Variants in MDGA2 observed in about 807,000 individuals in gnomAD.
MDGA2 encodes MAM domain-containing glycosylphosphatidylinositol anchor protein 2.
A neutral mutation model predicts 117.8 loss-of-function variants in MDGA2; 40 were observed. The ratio of observed to expected loss-of-function variants is 0.34; its 90% CI spans 0.26 to 0.44. The LOEUF is 0.44. Among genes scored for constraint, MDGA2 ranks in the 20% least tolerant of loss-of-function variants. The pLI is 1.00. For missense variants in MDGA2, 1,123 were observed against 1,250.6 expected (o/e 0.90, Z 1.54); for synonymous variants, 452 against 439.0 (o/e 1.03, Z -0.37).
intron 4 of MDGA2, among the ~76,000 whole-genome samples, chr14:47,139,807 TATATATACACAC>T (rs1306577169): frequency 7.0e-6 from 1 of 142,990 alleles, no homozygotes; most frequent in African/African-American, 2.6e-5. Flanking sequence ...TATATATGTA[TATATATACACAC>T]ATATATATAC....
At chr14:47,055,845 C>T (rs1161401402) in intron 7 of MDGA2, among the ~76,000 whole-genome samples, 1 of 152,066 alleles carries the variant, frequency 6.6e-6, no homozygotes, top group African/African-American at 2.4e-5. Context: ...ACCATATGGC[C>T]TGAAAAGCTG....
chr14:47,054,430 T>TCATTTA (rs1350317803), intron 7 of MDGA2, among the ~76,000 whole-genome samples: 2 of 151,226 alleles, frequency 1.3e-5, no homozygotes, highest in Non-Finnish European at 2.9e-5. Context: ...CATTAACTCA[T>TCATTTA]CATTTAGCAT....
chr14:47,036,104 C>A (rs1888838602), intron 7 of MDGA2, among the ~76,000 whole-genome samples: 1 of 151,484 alleles, frequency 6.6e-6, no homozygotes, highest in Non-Finnish European at 1.5e-5. Flanking sequence ...CCCGTCTCTA[C>A]TAAAAATACA....
chr14:47,160,022 T>C (rs920160882), intron 3 of MDGA2, among the ~76,000 whole-genome samples: 3 of 152,158 alleles, frequency 2.0e-5, no homozygotes, highest in Non-Finnish European at 4.4e-5. Context: ...CTTTACTCCA[T>C]CCAGAACCGA....
At chr14:47,153,705 G>GAAAAAAAAAAAAAAAAAAAA (rs1450677286) in intron 3 of MDGA2, among the ~76,000 whole-genome samples, 1 of 116,298 alleles carries the variant, frequency 8.6e-6, no homozygotes, top group Admixed American at 8.8e-5. Context: ...GAAAAGAAAA[G>GAAAAAAAAAAAAAAAAAAAA]AAATAAAAAA....
At chr14:46,846,673 T>C (rs1044724328) in intron 15 of MDGA2, among the ~76,000 whole-genome samples, 2 of 152,114 alleles carry the variant, frequency 1.3e-5, no homozygotes, top group African/African-American at 4.8e-5. Context: ...AACAGGACTC[T>C]TTTAGAATTT....
chr14:47,001,435 C>G (rs1887526169), intron 8 of MDGA2, among the ~76,000 whole-genome samples: 1 of 151,754 alleles, frequency 6.6e-6, no homozygotes, highest in African/African-American at 2.4e-5. Flanking sequence ...CCAAAACAAC[C>G]AAGAAGATAA....
intron 11 of MDGA2, among the ~76,000 whole-genome samples, chr14:46,881,362 A>G (rs1882452245): frequency 6.6e-6 from 1 of 152,146 alleles, no homozygotes; most frequent in Admixed American, 6.6e-5. Context: ...TGGAGAAAGG[A>G]GAGATAAATG....
At chr14:46,966,016 C>G (rs1886016717) in intron 8 of MDGA2, among the ~76,000 whole-genome samples, 2 of 151,748 alleles carry the variant, frequency 1.3e-5, no homozygotes. Context: ...AGTTTTTTCA[C>G]TTATACTAAG....
intron 1 of MDGA2, among the ~76,000 whole-genome samples, chr14:47,411,691 G>A (rs1892375405): frequency 6.6e-6 from 1 of 152,152 alleles, no homozygotes; most frequent in Non-Finnish European, 1.5e-5. Context: ...TAAGGAAAAT[G>A]TTAGCATTAA....
chr14:46,860,992 T>C (rs1881484239), intron 14 of MDGA2, among the ~76,000 whole-genome samples: 1 of 151,924 alleles, frequency 6.6e-6, no homozygotes, highest in South Asian at 2.1e-4. Flanking sequence ...TTTTCCTCTC[T>C]CCATTTTCTT....
At chr14:47,291,777 T>G (rs2139776164) in intron 2 of MDGA2, among the ~76,000 whole-genome samples, 1 of 152,330 alleles carries the variant, frequency 6.6e-6, no homozygotes, top group East Asian at 1.9e-4. Context: ...TGCTGAATGC[T>G]TATGACTTTT....
At chr14:47,210,990 AT>A (rs1441926560) in intron 3 of MDGA2, among the ~76,000 whole-genome samples, 9 of 152,356 alleles carry the variant, frequency 5.9e-5, no homozygotes, top group South Asian at 2.1e-4. Flanking sequence ...TCTAAAAAAA[AT>A]AAAACATAAA....
At chr14:47,175,624 A>C (rs1006074811) in intron 3 of MDGA2, among the ~76,000 whole-genome samples, 3 of 152,168 alleles carry the variant, frequency 2.0e-5, no homozygotes, top group East Asian at 1.9e-4. Context: ...AACTCTCAAT[A>C]AATTACATAT....
chr14:47,023,013 C>A (rs2138592589), intron 8 of MDGA2, among the ~76,000 whole-genome samples: 1 of 151,938 alleles, frequency 6.6e-6, no homozygotes, highest in East Asian at 1.9e-4. Context: ...GGGTGAGAGA[C>A]AAAGGGGCAA....
intron 3 of MDGA2, among the ~76,000 whole-genome samples, chr14:47,204,791 C>T (rs1885623379): frequency 6.6e-6 from 1 of 151,892 alleles, no homozygotes; most frequent in African/African-American, 2.4e-5. Context: ...TTTTCTATTT[C>T]TAATGTTGAG....
At chr14:47,181,062 T>C (rs766350893) in intron 3 of MDGA2, among the ~76,000 whole-genome samples, 20 of 152,202 alleles carry the variant, frequency 1.3e-4, no homozygotes, top group Non-Finnish European at 1.9e-4. Context: ...GTTATTCCTC[T>C]TATTCTATTT....
At chr14:47,289,592 C>G (rs952659123) in intron 2 of MDGA2, among the ~76,000 whole-genome samples, 1 of 151,926 alleles carries the variant, frequency 6.6e-6, no homozygotes, top group African/African-American at 2.4e-5. Context: ...GTTCATGTAA[C>G]TGTTCAGAAT....
At chr14:47,282,050 GAA>G (rs1255955701) in intron 2 of MDGA2, among the ~76,000 whole-genome samples, 11 of 124,208 alleles carry the variant, frequency 8.9e-5, no homozygotes, top group African/African-American at 2.3e-4. Context: ...TCCGTCTCGG[GAA>G]AAAAAAAAAA....
Sources: allele counts gnomAD v4.1 joint callset (sites outside exome capture counted in the v4.1 genomes callset), GRCh38; gene constraint gnomAD v4.1.1; transcripts MANE v1.5; gene names NCBI Gene and HGNC (gene_info 2026-07-23, HGNC 2026-07-21).